The following CRYAB variants were observed in gnomAD, a reference collection of about 807,000 sequenced individuals.
The protein encoded by CRYAB is alpha-crystallin B chain.
A neutral mutation model predicts 12.7 loss-of-function variants in CRYAB; 9 were observed. That is an observed-to-expected ratio of 0.71 (90% confidence interval 0.43 to 1.24). The LOEUF is 1.24. CRYAB is among the 50% of genes most tolerant of loss of function. CRYAB has a pLI of 0.00. For missense variants in CRYAB, 183 were observed against 226.6 expected, an observed-to-expected ratio of 0.81 and a Z score of 1.24; for synonymous variants, 93 against 86.8, an observed-to-expected ratio of 1.07 and a Z score of -0.40.
upstream of CRYAB, among the ~76,000 whole-genome samples, chr11:111,916,658 C>T (rs1179463834): frequency 6.6e-6 from 1 of 152,164 alleles, no homozygotes; most frequent in Non-Finnish European, 1.5e-5. Context: ...TTATTCCAGT[C>T]ATGGATTGAC....
upstream of CRYAB, chr11:111,912,801 G>C (rs782460577): frequency 9.0e-6 from 14 of 1,562,286 alleles, no homozygotes; most frequent in African/African-American, 1.6e-4. Context: ...GCTGCACCTC[G>C]GACCAGGGCT....
intron 1 of CRYAB, chr11:111,919,229 C>A (rs1200136205): frequency 6.9e-5 from 39 of 565,168 alleles, no homozygotes; most frequent in Admixed American, 4.9e-4. Context: ...ACTCCCAGCA[C>A]TTTGGGAGGC....
upstream of CRYAB, chr11:111,913,346 C>A: frequency 2.1e-6 from 2 of 971,318 alleles, no homozygotes. Flanking sequence ...TCCCCTCTTG[C>A]TCTTCCCAAT....
At chr11:111,920,924 C>T (rs1965687005) in intron 1 of CRYAB, among the ~76,000 whole-genome samples, 1 of 152,156 alleles carries the variant, frequency 6.6e-6, no homozygotes, top group African/African-American at 2.4e-5. Context: ...ATAATACATC[C>T]TACATTGTGT....
At chr11:111,918,790 G>T in intron 1 of CRYAB, 1 of 710,498 alleles carries the variant, frequency 1.4e-6, no homozygotes. Flanking sequence ...CTACCCTTTG[G>T]CTGGGAACAC....
upstream of CRYAB, chr11:111,912,716 T>G: frequency 4.2e-6 from 2 of 473,852 alleles, no homozygotes; most frequent in South Asian, 2.0e-5. Flanking sequence ...TTTTGGGTGG[T>G]GTCGACCCCG....
chr11:111,918,911 C>A, intron 1 of CRYAB: 1 of 1,602,656 alleles, frequency 6.2e-7, no homozygotes. Context: ...AACCAGGAAC[C>A]CGGAAATGCA....
At chr11:111,913,925 C>T (rs1797539465), upstream of CRYAB, 1 of 1,560,436 alleles carries the variant, frequency 6.4e-7, no homozygotes, top group African/African-American at 1.4e-5. Flanking sequence ...CAGCAAATCC[C>T]TCTCTACCTC....
intron 1 of CRYAB, 39 bp downstream of exon 1, chr11:111,911,485 C>A: frequency 6.3e-7 from 1 of 1,575,794 alleles, no homozygotes; most frequent in South Asian, 1.2e-5. Flanking sequence ...CAGGAGGTTC[C>A]AGTAAGGACT....
upstream of CRYAB, chr11:111,913,941 G>A: frequency 6.6e-7 from 1 of 1,516,814 alleles, no homozygotes; most frequent in South Asian, 1.2e-5. Flanking sequence ...ACCTCCCAAG[G>A]TGATATGGGC....
upstream of CRYAB, among the ~76,000 whole-genome samples, chr11:111,914,644 G>C (rs1965569521): frequency 1.3e-5 from 2 of 152,168 alleles, no homozygotes; most frequent in Admixed American, 1.3e-4. Flanking sequence ...AAAGCCTGAG[G>C]TCTGTCCCCT....
At chr11:111,913,931 A>G (rs1555165939), upstream of CRYAB, 1 of 1,538,756 alleles carries the variant, frequency 6.5e-7, no homozygotes, top group African/African-American at 1.4e-5. Context: ...ATCCCTCTCT[A>G]CCTCCCAAGG....
At chr11:111,915,563 T>C (rs758133927), upstream of CRYAB, among the ~76,000 whole-genome samples, 122 of 152,348 alleles carry the variant, frequency 8.0e-4, no homozygotes, top group Non-Finnish European at 1.4e-3. Flanking sequence ...TTCACATTGA[T>C]ATGTTTTGTA....
chr11:111,918,691 G>T, intron 1 of CRYAB: 1 of 683,630 alleles, frequency 1.5e-6, no homozygotes, highest in Non-Finnish European at 2.7e-6. Context: ...TCTTTTTATT[G>T]AAGCTTGAAG....
intron 1 of CRYAB, among the ~76,000 whole-genome samples, chr11:111,921,676 T>C (rs1965701676): frequency 6.6e-6 from 1 of 152,228 alleles, no homozygotes; most frequent in African/African-American, 2.4e-5. Flanking sequence ...GTGTTGGTAT[T>C]CTTTTTTCAT....
At chr11:111,920,020 C>T (rs1237680932) in intron 1 of CRYAB, among the ~76,000 whole-genome samples, 3 of 151,692 alleles carry the variant, frequency 2.0e-5, no homozygotes, top group African/African-American at 7.3e-5. Flanking sequence ...ACGGTGAAAC[C>T]CCATCTCTAC....
At chr11:111,911,223 G>A (rs1212118218) in intron 1 of CRYAB, among the ~76,000 whole-genome samples, 2 of 152,174 alleles carry the variant, frequency 1.3e-5, no homozygotes, top group African/African-American at 4.8e-5. Flanking sequence ...GGAGTTTGAA[G>A]GCAGCTCTTT....
At chr11:111,923,370 T>C (rs587638764) in intron 1 of CRYAB, among the ~76,000 whole-genome samples, 16 of 152,322 alleles carry the variant, frequency 1.1e-4, no homozygotes, top group African/African-American at 3.8e-4. Flanking sequence ...CCTGACTTTT[T>C]CCCCACAGTA....
chr11:111,913,632 C>A (rs1446100262), upstream of CRYAB: 6 of 1,614,062 alleles, frequency 3.7e-6, no homozygotes, highest in Admixed American at 1.7e-5. Context: ...TGTGGATAAC[C>A]TGCTGGAGGT....
Sources: allele counts gnomAD v4.1 joint callset (sites outside exome capture counted in the v4.1 genomes callset), GRCh38; gene constraint gnomAD v4.1.1; transcripts MANE v1.5; gene names NCBI Gene and HGNC (gene_info 2026-07-23, HGNC 2026-07-21).